Variants in RFC4 observed in about 807,000 individuals in gnomAD.
RFC4 encodes the protein A1 37 kDa subunit.
A neutral mutation model predicts 47.6 loss-of-function variants in RFC4; 38 were observed. The ratio of observed to expected loss-of-function variants is 0.80; its 90% CI spans 0.62 to 1.05. RFC4 has a LOEUF of 1.05. RFC4 is among the 50% of genes least tolerant of loss of function. RFC4 has a pLI of 0.00. For synonymous variants in RFC4, 164 were observed against 150.0 expected (o/e 1.09, Z -0.68); for missense variants, 489 against 434.0 (o/e 1.13, Z -1.13).
rs765382852 is a variant in RFC4 at position 186,804,723 on chromosome 3, C to T, written c.-10G>A. 1.3e-5 allele frequency: 21 copies of T among 1,609,274 alleles called. No homozygotes were observed. In the South Asian group the frequency reaches 2.1e-4, roughly 16 times the overall value. On this transcript the variant is annotated splice_region_variant and 5_prime_UTR_variant, in exon 2 of 11. In the 5' UTR this introduces an upstream ATG that the reference lacks. Coordinates refer to ENST00000296273, the MANE Select transcript of RFC4 (RefSeq NM_002916.5). ...TAAGAAATGCTTGCATGGTACTTCA[C>T]CCTGGTCAGGTGCAAGACAGAAAAA...
In RFC4 at chr3:186,791,800, A is replaced by C. The variant is rs748828438; in HGVS notation, c.726T>G (p.Ile242Met). 1.2e-6 allele frequency: 2 copies of C among 1,609,516 alleles called. No homozygotes were observed. The highest frequency in any genetic ancestry group is 1.7e-6 in the Non-Finnish European group (2 of 1,175,836). ...ATCGAGTAGCGCTTTGAAGAAATGT[A>C]ATGGCTTTTCTTAAGTCTCCTTCTG... is the stretch of plus-strand genomic sequence containing the variant. ...KVSEGDLRKAITFLQSATRLT... is the reference protein window; with the variant it reads ...KVSEGDLRKAMTFLQSATRLT... Residue 242 changes from isoleucine (I) to methionine (M), a missense_variant, in exon 8 of 11, where the codon ATT becomes ATG. Around this residue, in one of 2 missense-constraint regions of RFC4, gnomAD observed 283 missense variants for 176.2 expected, o/e 1.61. Coordinates refer to ENST00000296273, the MANE Select transcript of RFC4 (RefSeq NM_002916.5).
intron 8 of RFC4, chr3:186,791,184 A>G (rs1722121707): frequency 6.4e-6 from 1 of 156,168 alleles, no homozygotes; most frequent in Non-Finnish European, 1.4e-5. Context: ...CATCTCTTAT[A>G]AAATCTAAAA....
intron 8 of RFC4, 27 bp from the exon 9 acceptor site, chr3:186,790,433 A>AT: frequency 6.6e-7 from 1 of 1,525,746 alleles, no homozygotes; most frequent in Non-Finnish European, 9.1e-7. Flanking sequence ...TCGGTATTAA[A>AT]GATGTTTCTA....
At position 186,789,937 on chromosome 3, in the gene RFC4, T is replaced by C. The variant is rs750187652; in HGVS notation, c.*32A>G. On this transcript the variant is annotated 3_prime_UTR_variant, in exon 11 of 11. Coordinates refer to ENST00000296273, the MANE Select transcript of RFC4 (RefSeq NM_002916.5). Reference sequence around the variant, plus strand: ...TTTTATTTTTATTACAACTTCATTATTTACAAAACCCCCCATCCAGATATA... The same window carrying C: ...TTTTATTTTTATTACAACTTCATTACTTACAAAACCCCCCATCCAGATATA... The C allele has an allele frequency of 1.5e-6, 2 of 1,337,070 alleles. No homozygotes were observed. The highest frequency in any genetic ancestry group is 3.7e-5 in the Admixed American group (2 of 53,974). 82.8% of individuals were successfully genotyped at this position (1,337,070 alleles called of 1,614,324 possible).
Position 186,793,203 on chromosome 3 carries a change from T to C in RFC4, c.411-256A>G, listed in dbSNP as rs555870385. Among the ~76,000 whole-genome samples the C allele has an allele frequency of 1.3e-5, 2 of 152,342 alleles. No homozygotes were observed. Among genetic ancestry groups the C allele is most frequent in the Non-Finnish European group, 2.9e-5 (2 of 68,044 alleles). ...ATTCCCAGCTCTAGGCAATCATTAG[T>C]CTACTTTCATCTCTATAGATTTGCC... On this transcript the variant is annotated intron_variant, in intron 5 of 10. Transcript: ENST00000296273. This position sits in a 1 kb window ranked among gnomAD's most constrained non-coding sequence, Gnocchi z 4.2.
At chr3:186,798,352 GCT>G (rs1200186359) in intron 3 of RFC4, among the ~76,000 whole-genome samples, 7 of 152,172 alleles carry the variant, frequency 4.6e-5, no homozygotes, top group Non-Finnish European at 8.8e-5. Context: ...ATTCTAATGA[GCT>G]CTGTTATGAT....
rs567484339 is a variant in RFC4, at chr3:186,800,698, T to C, written c.210+419A>G. Among the ~76,000 whole-genome samples the C allele has an allele frequency of 7.2e-5, 11 of 152,304 alleles. 1 individual carries two copies. The East Asian group carries it at 2.1e-3, about 29-fold the overall frequency. ...TTATAGGTCAATCCAAATCCTAAAG[T>C]TAGTAAGCAATTATACTTTAGAGGA... is the stretch of plus-strand genomic sequence containing the variant. On this transcript the variant is annotated intron_variant, in intron 3 of 10. Coordinates refer to ENST00000296273, the MANE Select transcript of RFC4 (RefSeq NM_002916.5).
intron 6 of RFC4, 23 bp from the exon 7 acceptor site, chr3:186,792,633 A>G: frequency 6.3e-7 from 1 of 1,599,034 alleles, no homozygotes; most frequent in Non-Finnish European, 8.5e-7. Flanking sequence ...AGAAAAACCA[A>G]GTTGGTGTCT....
chr3:186,793,330 G>C lies in RFC4; in HGVS notation c.411-383C>G, dbSNP rs1411592715. Among the ~76,000 whole-genome samples the C allele has an allele frequency of 6.6e-6, 1 of 152,186 alleles. No individual in the cohort carries two copies. The highest frequency in any genetic ancestry group is 2.4e-5 in the African/African-American group (1 of 41,424). ...AAGGTTCATCCATATTGTAGCATGT[G>C]TTTGCGTCATTCCTTTGTATTGTCA... is the stretch of plus-strand genomic sequence containing the variant. On this transcript the variant is annotated intron_variant, in intron 5 of 10. Coordinates refer to ENST00000296273, the MANE Select transcript of RFC4 (RefSeq NM_002916.5). This position sits in a 1 kb window ranked among gnomAD's most constrained non-coding sequence, Gnocchi z 4.2.
At chr3:186,797,461 AG>A in intron 4 of RFC4, 73 bp downstream of exon 4, 1 of 985,030 alleles carries the variant, frequency 1.0e-6, no homozygotes, top group Non-Finnish European at 1.6e-6. Context: ...AAATTTTTAG[AG>A]GAAAAAAAGC....
chr3:186,797,643 A>T (rs1419313148), intron 3 of RFC4, 29 bp from the exon 4 acceptor site: 5 of 1,461,884 alleles, frequency 3.4e-6, no homozygotes, highest in Non-Finnish European at 4.8e-6. Flanking sequence ...ATTTTTAATA[A>T]ATGGTATTCT....
intron 2 of RFC4, among the ~76,000 whole-genome samples, chr3:186,802,528 C>T (rs1722379740): frequency 2.0e-5 from 3 of 152,042 alleles, no homozygotes; most frequent in Non-Finnish European, 4.4e-5. Flanking sequence ...CTATTCAATT[C>T]ATTGAGGGCT....
At chr3:186,799,901 T>C (rs1722317700) in intron 3 of RFC4, among the ~76,000 whole-genome samples, 1 of 152,154 alleles carries the variant, frequency 6.6e-6, no homozygotes, top group South Asian at 2.1e-4. Context: ...TGCTATACTA[T>C]TATAAAATTA....
In RFC4 at chr3:186,790,051, C is replaced by T. The variant is rs370796190; in HGVS notation, c.1010G>A (p.Cys337Tyr). 1.2e-5 allele frequency: 19 copies of T among 1,613,266 alleles called. No homozygotes were observed. Among genetic ancestry groups the T allele is most frequent in the Non-Finnish European group, 1.4e-5 (16 of 1,179,380 alleles). Residue 337 changes from cysteine (C) to tyrosine (Y), a missense_variant, in exon 11 of 11, where the codon TGC (cysteine) becomes TAC (tyrosine). Around this residue, in one of 2 missense-constraint regions of RFC4, gnomAD observed 283 missense variants for 176.2 expected, o/e 1.61. Transcript: ENST00000296273. ...ATGTTCATCAGCACCATCTGCTAGG[C>T]ATTTGTCAACTTCCTACGAGAAAAA... ...ITEKLAEVDK[C>Y]LADGADEHLQ...
intron 2 of RFC4, among the ~76,000 whole-genome samples, chr3:186,802,914 A>C (rs1412434636): frequency 6.6e-6 from 1 of 152,208 alleles, no homozygotes; most frequent in Non-Finnish European, 1.5e-5. Context: ...GAAGCAGTAC[A>C]CAAGTCCATA....
At chr3:186,790,298 T>TCACC in intron 9 of RFC4, 28 bp downstream of exon 9, 1 of 1,611,824 alleles carries the variant, frequency 6.2e-7, no homozygotes, top group Non-Finnish European at 8.5e-7. Context: ...TAATATTCCT[T>TCACC]TCCCCAAAGT....
intron 3 of RFC4, among the ~76,000 whole-genome samples, chr3:186,798,997 A>T (rs746260546): frequency 9.2e-5 from 14 of 152,236 alleles, no homozygotes; most frequent in Admixed American, 3.3e-4. Flanking sequence ...TTACTGTTAC[A>T]TTCATAACAT....
At chr3:186,790,294 T>G (rs1408734508) in intron 9 of RFC4, 32 bp downstream of exon 9, 1 of 1,611,394 alleles carries the variant, frequency 6.2e-7, no homozygotes, top group African/African-American at 1.3e-5. Flanking sequence ...GACTTAATAT[T>G]CCTTTCCCCA....
At chr3:186,792,430 C>G (rs3917132) in intron 7 of RFC4, 60 bp downstream of exon 7, 18,750 of 1,492,494 alleles carry the variant, frequency 0.013, 173 homozygotes, top group Non-Finnish European at 0.014. Flanking sequence ...TTCAGGGCCT[C>G]TTTATATGCA....
Sources: allele counts gnomAD v4.1 joint callset (sites outside exome capture counted in the v4.1 genomes callset), GRCh38; gene constraint gnomAD v4.1.1; regional missense constraint gnomAD v4.1.1; non-coding constraint Gnocchi (gnomAD v3.1); transcripts MANE v1.5; gene names NCBI Gene and HGNC (gene_info 2026-07-23, HGNC 2026-07-21).